ARHGAP28: variants seen among roughly 807,000 people sequenced by gnomAD.
ARHGAP28 encodes the protein Rho GTPase activating protein 28.
In ARHGAP28, 56 loss-of-function variants were observed where a neutral mutation model predicts 90.7. That is an observed-to-expected ratio of 0.62 (90% CI 0.50 to 0.77). ARHGAP28 has a LOEUF of 0.77. ARHGAP28 is among the 30% of genes least tolerant of loss of function. The pLI is 0.00. For synonymous variants in ARHGAP28, 308 were observed against 323.3 expected (o/e 0.95, Z 0.51); for missense variants, 869 against 900.9 (o/e 0.96, Z 0.45).
At chr18:6,744,862 T>C (rs556025847) in intron 1 of ARHGAP28, among the ~76,000 whole-genome samples, 1 of 152,268 alleles carries the variant, frequency 6.6e-6, no homozygotes, top group South Asian at 2.1e-4. Context: ...TTTATTTATG[T>C]TTTTCAAAGT....
chr18:6,790,936 C>T (rs2056402156), intron 1 of ARHGAP28: 1 of 152,088 alleles, frequency 6.6e-6, no homozygotes, highest in Admixed American at 6.6e-5. Flanking sequence ...ACATTGTCCC[C>T]TTTTGATATC....
chr18:6,801,044 G>A (rs1230293680), intron 1 of ARHGAP28, among the ~76,000 whole-genome samples: 1 of 152,086 alleles, frequency 6.6e-6, no homozygotes, highest in Non-Finnish European at 1.5e-5. Context: ...TGCTTGTTGT[G>A]TCCTATCTTT....
intron 1 of ARHGAP28, among the ~76,000 whole-genome samples, chr18:6,810,806 G>A (rs140831847): frequency 6.3e-4 from 96 of 152,282 alleles, no homozygotes; most frequent in African/African-American, 2.3e-3. Flanking sequence ...AAAGTAGACA[G>A]AGGAGCCTAT....
chr18:6,856,363 A>G (rs1326268429), intron 4 of ARHGAP28, among the ~76,000 whole-genome samples: 1 of 152,218 alleles, frequency 6.6e-6, no homozygotes, highest in Non-Finnish European at 1.5e-5. Flanking sequence ...TCAAAGCAGC[A>G]ATGGCCCTTT....
chr18:6,743,510 C>A (rs1162905824), intron 1 of ARHGAP28, among the ~76,000 whole-genome samples: 1 of 152,082 alleles, frequency 6.6e-6, no homozygotes, highest in Admixed American at 6.6e-5. Context: ...TCTGAGCATC[C>A]CTTCCTTTAC....
intron 3 of ARHGAP28, among the ~76,000 whole-genome samples, chr18:6,838,352 G>A (rs1194201539): frequency 6.6e-6 from 1 of 152,196 alleles, no homozygotes; most frequent in Admixed American, 6.5e-5. Context: ...GGGGTATTGA[G>A]TAGAAATCAT....
chr18:6,868,128 T>C (rs562375936), intron 5 of ARHGAP28, 22 bp from the exon 6 acceptor site: 1 of 1,597,362 alleles, frequency 6.3e-7, no homozygotes, highest in African/African-American at 1.3e-5. Flanking sequence ...ATGTTTTGTG[T>C]TCATCTTCCT....
chr18:6,837,105 T>C, intron 2 of ARHGAP28, 92 bp from the exon 3 acceptor site: 1 of 927,400 alleles, frequency 1.1e-6, no homozygotes, highest in Non-Finnish European at 1.6e-6. Context: ...AAAATACAAA[T>C]ATTATTTACC....
At chr18:6,898,400 C>T in intron 16 of ARHGAP28, 2 of 992,506 alleles carry the variant, frequency 2.0e-6, no homozygotes, top group Non-Finnish European at 3.2e-6. Flanking sequence ...TACACATATA[C>T]ACACACACAT....
At chr18:6,907,986 A>C (rs1459862024) in intron 16 of ARHGAP28, among the ~76,000 whole-genome samples, 1 of 151,900 alleles carries the variant, frequency 6.6e-6, no homozygotes, top group Non-Finnish European at 1.5e-5. Flanking sequence ...GCTGAAAGTC[A>C]CTCCTTGATG....
At chr18:6,749,140 C>G (rs1198594651) in intron 1 of ARHGAP28, among the ~76,000 whole-genome samples, 1 of 152,102 alleles carries the variant, frequency 6.6e-6, no homozygotes, top group Non-Finnish European at 1.5e-5. Flanking sequence ...AATGTTTGAG[C>G]TAAAAGTCAA....
At chr18:6,735,748 T>A (rs2055921233) in intron 1 of ARHGAP28, among the ~76,000 whole-genome samples, 1 of 151,944 alleles carries the variant, frequency 6.6e-6, no homozygotes, top group Non-Finnish European at 1.5e-5. Context: ...GGAGATGGAG[T>A]TTTGCCGTGT....
intron 2 of ARHGAP28, among the ~76,000 whole-genome samples, chr18:6,833,721 G>A (rs2056732372): frequency 6.6e-6 from 1 of 152,074 alleles, no homozygotes. Context: ...TACTTAAGGT[G>A]ATATATACAT....
At chr18:6,788,803 A>C (rs1447714139) in intron 1 of ARHGAP28, 1 of 152,038 alleles carries the variant, frequency 6.6e-6, no homozygotes, top group African/African-American at 2.4e-5. Flanking sequence ...GGTGTGCCAG[A>C]CTGTATCAGA....
chr18:6,841,180 C>CTCTCTCTCTCTCTCT (rs1491103592), intron 3 of ARHGAP28, among the ~76,000 whole-genome samples: 4 of 57,064 alleles, frequency 7.0e-5, no homozygotes, highest in Non-Finnish European at 6.3e-5. Flanking sequence ...CTCTCTCTCT[C>CTCTCTCTCTCTCTCT]CTCTCTCTCT....
chr18:6,825,545 T>C (rs1157426241), intron 2 of ARHGAP28, among the ~76,000 whole-genome samples: 1 of 152,202 alleles, frequency 6.6e-6, no homozygotes, highest in Admixed American at 6.5e-5. Flanking sequence ...TACATGGGTA[T>C]ATTGCCCTCA....
intron 3 of ARHGAP28, 78 bp from the exon 4 acceptor site, chr18:6,850,956 G>A: frequency 5.7e-6 from 9 of 1,580,988 alleles, no homozygotes; most frequent in Non-Finnish European, 7.8e-6. Context: ...AAAAACTCTA[G>A]TGTAATGCAT....
At chr18:6,899,946 C>T (rs887255739) in intron 16 of ARHGAP28, among the ~76,000 whole-genome samples, 1 of 152,100 alleles carries the variant, frequency 6.6e-6, no homozygotes, top group African/African-American at 2.4e-5. Context: ...GCTTCCTCCC[C>T]TCCTCTTTTC....
In ARHGAP28 at chr18:6,764,807, T is replaced by C. The variant is rs930925203; in HGVS notation, c.122+34864T>C. ...CTTTCTGCATGTTATACTCTGACCTTGGTGCTAAAAAACGCTAATGTTAGA... is the reference window on the plus strand; with the variant it reads ...CTTTCTGCATGTTATACTCTGACCTCGGTGCTAAAAAACGCTAATGTTAGA... On this transcript the variant is annotated intron_variant, in intron 1 of 17. Coordinates refer to ENST00000383472, the MANE Select transcript of ARHGAP28 (RefSeq NM_001366230.1). Among the ~76,000 whole-genome samples, 13 of 152,336 alleles carry C rather than the reference T, an allele frequency of 8.5e-5. No individual in the cohort carries two copies. In the South Asian group the frequency reaches 1.7e-3, roughly 19 times the overall value.
Sources: allele counts gnomAD v4.1 joint callset (sites outside exome capture counted in the v4.1 genomes callset), GRCh38; gene constraint gnomAD v4.1.1; transcripts MANE v1.5; gene names NCBI Gene and HGNC (gene_info 2026-07-23, HGNC 2026-07-21).